Variants in FAT3 observed in about 807,000 individuals in gnomAD.
The protein encoded by FAT3 is FAT atypical cadherin 3.
Under a neutral mutation model 310.2 loss-of-function variants are expected in FAT3, and 95 were observed. The ratio of observed to expected loss-of-function variants is 0.31; its 90% CI spans 0.26 to 0.36. The LOEUF (loss-of-function observed/expected upper bound fraction) is 0.36, where lower values mean the gene tolerates loss of function less well. Ranked by LOEUF, FAT3 falls within the 10% of genes least tolerant of loss-of-function variation. FAT3 has a pLI of 1.00. For missense variants in FAT3, 5,408 were observed against 5,715.6 expected, an observed-to-expected ratio of 0.95 and a Z score of 1.74; for synonymous variants, 2,314 against 2,192.9, an observed-to-expected ratio of 1.06 and a Z score of -1.54.
intron 19 of FAT3, among the ~76,000 whole-genome samples, chr11:92,855,315 A>G (rs535594278): frequency 1.9e-4 from 29 of 152,340 alleles, no homozygotes; most frequent in African/African-American, 7.0e-4. Context: ...CTGAGTTAAA[A>G]TATTCCCTTC....
intron 3 of FAT3, among the ~76,000 whole-genome samples, chr11:92,544,764 G>A (rs2135420745): frequency 6.6e-6 from 1 of 152,272 alleles, no homozygotes; most frequent in Non-Finnish European, 1.5e-5. Context: ...AACAGGGAAG[G>A]TATCGCCAAC....
At chr11:92,504,364 C>G (rs1953037138) in intron 2 of FAT3, among the ~76,000 whole-genome samples, 1 of 152,122 alleles carries the variant, frequency 6.6e-6, no homozygotes, top group Non-Finnish European at 1.5e-5. Context: ...TTTGAAACCT[C>G]TCTGGTCTCT....
chr11:92,412,702 G>GATATATATATATATAT (rs758587642), intron 2 of FAT3, among the ~76,000 whole-genome samples: 4 of 13,466 alleles, frequency 3.0e-4, no homozygotes, highest in Admixed American at 1.6e-3. Flanking sequence ...TGATGGTGGT[G>GATATATATATATATAT]ATATATATAT....
intron 4 of FAT3, among the ~76,000 whole-genome samples, chr11:92,759,998 T>C (rs1230673029): frequency 6.6e-6 from 1 of 152,052 alleles, no homozygotes; most frequent in African/African-American, 2.4e-5. Flanking sequence ...AGCCAAGAAA[T>C]CAATATGTTT....
chr11:92,769,813 C>T (rs1416040130), intron 6 of FAT3, among the ~76,000 whole-genome samples: 1 of 152,208 alleles, frequency 6.6e-6, no homozygotes, highest in Admixed American at 6.5e-5. Context: ...GTCATAGGTT[C>T]CTTCAAACTT....
intron 4 of FAT3, among the ~76,000 whole-genome samples, chr11:92,731,702 GA>G (rs5793621): frequency 7.4e-5 from 11 of 148,074 alleles, no homozygotes; most frequent in East Asian, 6.0e-4. Context: ...ATTCTCTTGG[GA>G]AAAAAAAAAG....
chr11:92,782,440 T>C (rs988806358), intron 7 of FAT3, among the ~76,000 whole-genome samples: 1 of 152,036 alleles, frequency 6.6e-6, no homozygotes, highest in Admixed American at 6.6e-5. Context: ...CAGACAGGTA[T>C]GGTGGCACAC....
chr11:92,257,828 C>G (rs115171012), intron 1 of FAT3, among the ~76,000 whole-genome samples: 1 of 152,108 alleles, frequency 6.6e-6, no homozygotes, highest in African/African-American at 2.4e-5. Context: ...TATGATTGAG[C>G]ATTTTACTTT....
intron 2 of FAT3, among the ~76,000 whole-genome samples, chr11:92,407,553 T>C (rs1358715686): frequency 2.0e-5 from 3 of 152,122 alleles, no homozygotes; most frequent in African/African-American, 7.2e-5. Flanking sequence ...TTGGGTTGAT[T>C]TGAGAGGAAA....
At chr11:92,510,981 G>A (rs1953270436) in intron 2 of FAT3, among the ~76,000 whole-genome samples, 2 of 152,224 alleles carry the variant, frequency 1.3e-5, no homozygotes, top group Admixed American at 6.5e-5. Flanking sequence ...GTGGATGAGA[G>A]CCCATCTAGA....
At chr11:92,644,127 C>T (rs1181171764) in intron 3 of FAT3, among the ~76,000 whole-genome samples, 1 of 152,192 alleles carries the variant, frequency 6.6e-6, no homozygotes, top group Non-Finnish European at 1.5e-5. Context: ...AAGGTGGCAG[C>T]CCCAGAGCCA....
At chr11:92,711,730 T>G (rs564217674) in intron 4 of FAT3, among the ~76,000 whole-genome samples, 2 of 152,342 alleles carry the variant, frequency 1.3e-5, no homozygotes, top group African/African-American at 4.8e-5. Context: ...GCATATTAAT[T>G]CATGTCCTTT....
intron 3 of FAT3, among the ~76,000 whole-genome samples, chr11:92,624,383 A>T (rs1941228429): frequency 6.6e-6 from 1 of 152,194 alleles, no homozygotes. Flanking sequence ...CAGGAAAAAA[A>T]CTTAGAACTT....
chr11:92,386,443 C>T (rs1030079000), intron 2 of FAT3, among the ~76,000 whole-genome samples: 6 of 152,154 alleles, frequency 3.9e-5, no homozygotes, highest in East Asian at 1.9e-4. Context: ...ATACATGAAA[C>T]GTTTCCCATG....
chr11:92,290,018 T>C (rs1946652003), intron 1 of FAT3, among the ~76,000 whole-genome samples: 1 of 152,128 alleles, frequency 6.6e-6, no homozygotes, highest in African/African-American at 2.4e-5. Flanking sequence ...TCCCCTCTTG[T>C]TCCTTGAGTA....
At chr11:92,637,546 C>T (rs975940995) in intron 3 of FAT3, among the ~76,000 whole-genome samples, 3 of 152,194 alleles carry the variant, frequency 2.0e-5, no homozygotes, top group African/African-American at 7.2e-5. Context: ...ATTAATGGCA[C>T]TGAAGTCACA....
chr11:92,713,935 A>G (rs1027502424), intron 4 of FAT3, among the ~76,000 whole-genome samples: 6 of 152,220 alleles, frequency 3.9e-5, no homozygotes, highest in African/African-American at 1.4e-4. Flanking sequence ...AGACTTGGTC[A>G]CATTCATAAA....
At chr11:92,314,530 G>C (rs75862847) in intron 1 of FAT3, among the ~76,000 whole-genome samples, 5,079 of 152,122 alleles carry the variant, frequency 0.033, 252 homozygotes, top group African/African-American at 0.1. Flanking sequence ...TTGGAGTTTG[G>C]GTTTTTGTTT....
rs375291971 is a variant in FAT3 at position 92,322,359 on chromosome 11, A to G, written c.-17-29737A>G. ...TCATCTGAGCCTTCAGTGAGTCACA[A>G]TGTTTTTGCTGGTGGAAGGTCTTGC... On this transcript the variant is annotated intron_variant, in intron 1 of 27. Coordinates refer to ENST00000525166, the MANE Select transcript of FAT3 (RefSeq NM_001367949.2). Among the ~76,000 whole-genome samples the G allele has an allele frequency of 1.1e-4, 16 of 152,284 alleles. 1 individual carries two copies. Among genetic ancestry groups the G allele is most frequent in the Admixed American group, 7.2e-4 (11 of 15,296 alleles).
Sources: allele counts gnomAD v4.1 joint callset (sites outside exome capture counted in the v4.1 genomes callset), GRCh38; gene constraint gnomAD v4.1.1; transcripts MANE v1.5; gene names NCBI Gene and HGNC (gene_info 2026-07-23, HGNC 2026-07-21).